Variants in SUN5 observed in about 807,000 individuals in gnomAD.
SUN5 encodes Sad1 and UNC84 domain containing 5.
A neutral mutation model predicts 53.7 loss-of-function variants in SUN5; 44 were observed. The observed-to-expected ratio is 0.82, with a 90% confidence interval of 0.64 to 1.05. The LOEUF (loss-of-function observed/expected upper bound fraction) is 1.05, where lower values mean the gene tolerates loss of function less well. Ranked by LOEUF, SUN5 falls within the 50% of genes least tolerant of loss-of-function variation. The probability of loss-of-function intolerance (pLI) is 0.00; values close to 1 mark genes in which losing one functional copy is unlikely to be tolerated. For missense variants in SUN5, 433 were observed against 483.8 expected (o/e 0.90, Z 0.98); for synonymous variants, 166 against 179.8 (o/e 0.92, Z 0.62).
chr20:32,989,562 G>T, intron 9 of SUN5, 58 bp downstream of exon 9: 1 of 1,495,724 alleles, frequency 6.7e-7, no homozygotes, highest in Non-Finnish European at 9.3e-7. Flanking sequence ...AACCCACCCT[G>T]TGTACAGCTT....
chr20:33,004,397 G>A lies in SUN5; in HGVS notation c.-57C>T, dbSNP rs1194300795. On this transcript the variant is annotated 5_prime_UTR_variant, in exon 1 of 13. Coordinates refer to ENST00000356173, the MANE Select transcript of SUN5 (RefSeq NM_080675.4). ...TGGGAACTCTGGGAGCTGGTGAGGA[G>A]GAAGGGGCTGATGCCTCTGAATGTC... is the stretch of plus-strand genomic sequence containing the variant. The A allele has an allele frequency of 1.3e-6, 2 of 1,506,812 alleles. No individual in the cohort carries two copies. Among genetic ancestry groups the A allele is most frequent in the East Asian group, 2.5e-5 (1 of 39,284 alleles). The allele number at this position is 1,506,812 out of a possible 1,614,324, so 93.3% of individuals were successfully genotyped here.
At chr20:32,986,835 A>T (rs1989555984) in intron 10 of SUN5, among the ~76,000 whole-genome samples, 1 of 151,052 alleles carries the variant, frequency 6.6e-6, no homozygotes, top group Non-Finnish European at 1.5e-5. Flanking sequence ...TGTGTGCACC[A>T]CCCCCCACTC....
intron 7 of SUN5, among the ~76,000 whole-genome samples, chr20:32,996,119 T>C (rs1233145448): frequency 2.0e-5 from 3 of 152,216 alleles, no homozygotes; most frequent in African/African-American, 7.2e-5. Flanking sequence ...ATGGGTGTTA[T>C]GCTTCATCTC....
chr20:33,003,042 G>GC (rs1990095716), intron 1 of SUN5, 123 bp from the exon 2 acceptor site: 3 of 1,118,208 alleles, frequency 2.7e-6, no homozygotes, highest in Non-Finnish European at 3.9e-6. Flanking sequence ...AACACCACCA[G>GC]CCTGTGATTC....
intron 9 of SUN5, among the ~76,000 whole-genome samples, chr20:32,988,667 C>A (rs926513084): frequency 8.6e-5 from 13 of 151,926 alleles, no homozygotes; most frequent in African/African-American, 3.1e-4. Flanking sequence ...TGGCTCACCG[C>A]AACCTCCGTC....
chr20:33,003,595 T>C (rs1990112286), intron 1 of SUN5, among the ~76,000 whole-genome samples: 1 of 152,164 alleles, frequency 6.6e-6, no homozygotes, highest in Admixed American at 6.5e-5. Flanking sequence ...CCCTTATTTC[T>C]TAAGTCAAAG....
intron 8 of SUN5, among the ~76,000 whole-genome samples, chr20:32,993,048 C>T (rs1395521967): frequency 2.0e-5 from 3 of 152,040 alleles, no homozygotes; most frequent in Non-Finnish European, 4.4e-5. Flanking sequence ...TTATATCTAC[C>T]GCCAAGATCA....
At chr20:33,002,516 C>G (rs935887201) in intron 3 of SUN5, 71 bp downstream of exon 3, 8 of 1,529,226 alleles carry the variant, frequency 5.2e-6, no homozygotes, top group Non-Finnish European at 9.1e-7. Flanking sequence ...CCCAGGTCAG[C>G]CTGGGCCGAG....
At chr20:33,003,204 T>G (rs1990101348) in intron 1 of SUN5, among the ~76,000 whole-genome samples, 1 of 152,122 alleles carries the variant, frequency 6.6e-6, no homozygotes, top group Non-Finnish European at 1.5e-5. Flanking sequence ...CCCAATGTGA[T>G]TTTAGGCCAT....
chr20:33,002,915 C>A lies in SUN5; in HGVS notation c.82G>T (p.Ala28Ser). 1.2e-6 allele frequency: 2 copies of A among 1,614,132 alleles called. No homozygotes were observed. Among genetic ancestry groups the A allele is most frequent in the Non-Finnish European group, 8.5e-7 (1 of 1,180,020 alleles). ...VAHNPRPRRI[A>S]QRGRNTSRMA... is the part of the protein sequence containing the mutation. ...CTGCTGGTGTTCCGGCCTCGCTGGGCAATCCTGGGGATGATAAGATTCATA... is the reference window on the plus strand; with the variant it reads ...CTGCTGGTGTTCCGGCCTCGCTGGGAAATCCTGGGGATGATAAGATTCATA... The change falls in exon 2 of 13, where the codon GCC becomes TCC. Residue 28 changes from alanine (A) to serine (S), a missense_variant. Transcript: ENST00000356173.
At chr20:33,002,711 G>C (rs762377860) in intron 2 of SUN5, 50 bp from the exon 3 acceptor site, 65 of 1,609,774 alleles carry the variant, frequency 4.0e-5, no homozygotes, top group Non-Finnish European at 5.4e-5. Context: ...TTGATTTGGT[G>C]CTTGCAGAGA....
chr20:32,987,725 C>T lies in SUN5; in HGVS notation c.664G>A (p.Ala222Thr). The part of the protein sequence containing the change: ...HTSVTYNHEK[A>T]HSYWNWIQLW... Reference sequence around the variant, plus strand: ...TGGATCCAGTTCCAGTAGGAGTGGGCCTTCTCATGGTTATAGGTGACTGAC... The same window carrying T: ...TGGATCCAGTTCCAGTAGGAGTGGGTCTTCTCATGGTTATAGGTGACTGAC... Residue 222 changes from alanine to threonine, a missense_variant, in exon 10 of 13, where the codon GCC becomes ACC. Ala to Thr is a moderately conservative substitution (Grantham distance 58). Transcript: ENST00000356173. 1.2e-6 allele frequency: 2 copies of T among 1,613,468 alleles called. No homozygotes were observed. The highest frequency in any genetic ancestry group is 1.7e-5 in the Admixed American group (1 of 59,958).
Position 32,997,681 on chromosome 20 carries a change from C to T in SUN5, c.347G>A (p.Trp116Ter). 1 of 1,613,916 alleles carries T rather than the reference C, an allele frequency of 6.2e-7. No homozygotes were observed. Among genetic ancestry groups the T allele is most frequent in the Non-Finnish European group, 8.5e-7 (1 of 1,179,952 alleles). Residue 116 changes from tryptophan to a stop codon, truncating the protein, a stop_gained, in exon 6 of 13, where the codon TGG becomes TAG. Coordinates refer to ENST00000356173, the MANE Select transcript of SUN5 (RefSeq NM_080675.4). LOFTEE classifies it high-confidence loss of function. ...CGATGGTAAGTGAATAGAAAACATC[C>T]AGAATCCTGTGAGGCCATGAGAATA... ...GILLLCAFGF[W>*]MFSIHLPSKM...
rs764719912 is a variant in SUN5 at position 33,004,336 on chromosome 20, G to A, written c.5C>T (p.Pro2Leu). The A allele has an allele frequency of 3.8e-6, 6 of 1,563,006 alleles. No homozygotes were observed. The highest frequency in any genetic ancestry group is 4.3e-6 in the Non-Finnish European group (5 of 1,153,442). Residue 2 changes from proline to leucine, a missense_variant, in exon 1 of 13, where the codon CCA (proline) becomes CTA (leucine). By Grantham distance (98) the Pro-to-Leu change is moderately conservative. Coordinates refer to ENST00000356173, the MANE Select transcript of SUN5 (RefSeq NM_080675.4). ...GTCCCCAGGGCTCCTTGAGGACCGT[G>A]GCATCGATTTCCTTCTTTAGGATTG... M[P>L]RSSRSPGDPG...
rs550346434 is a variant in SUN5 at position 33,002,500 on chromosome 20, G to A, written c.211+87C>T. ...ACCCCTGCAGTCCAGGGCAGGCATT[G>A]CCACCCCCAGGTCAGCCTGGGCCGA... On this transcript the variant is annotated intron_variant, in intron 3 of 12. Transcript: ENST00000356173. The A allele has an allele frequency of 4.2e-5, 58 of 1,371,274 alleles. No individual in the cohort carries two copies. In the South Asian group the frequency reaches 5.7e-4, roughly 13 times the overall value. The allele number at this position is 1,371,274 out of a possible 1,614,324, so 84.9% of individuals were successfully genotyped here. A position where few individuals can be genotyped will look rare whatever the true frequency, so the allele number is the denominator to read the frequency against.
At chr20:32,984,130 C>T (rs1367876576) in intron 12 of SUN5, among the ~76,000 whole-genome samples, 181 bp from the exon 13 acceptor site, 1 of 152,192 alleles carries the variant, frequency 6.6e-6, no homozygotes, top group African/African-American at 2.4e-5. Flanking sequence ...ACTGAAGATG[C>T]TGAGGCCAGA....
At chr20:32,987,916 C>T in intron 9 of SUN5, 141 bp from the exon 10 acceptor site, 2 of 615,354 alleles carry the variant, frequency 3.3e-6, no homozygotes, top group Non-Finnish European at 5.8e-6. Flanking sequence ...AATGTGATTA[C>T]AGCCATGTTA....
chr20:32,988,770 G>A (rs1167174796), intron 9 of SUN5, among the ~76,000 whole-genome samples: 1 of 151,318 alleles, frequency 6.6e-6, no homozygotes, highest in Non-Finnish European at 1.5e-5. Flanking sequence ...TGTATTTTTA[G>A]TAGAGATGGG....
At chr20:32,989,195 G>T (rs1333776981) in intron 9 of SUN5, among the ~76,000 whole-genome samples, 2 of 152,208 alleles carry the variant, frequency 1.3e-5, no homozygotes, top group African/African-American at 4.8e-5. Context: ...AAAGTGCTGG[G>T]ATTACAGGCG....
Sources: gnomAD v4.1 joint callset for allele counts (sites outside exome capture counted in the v4.1 genomes callset) on GRCh38, gnomAD v4.1.1 for gene constraint, MANE v1.5 for transcripts, NCBI Gene and HGNC (gene_info 2026-07-23, HGNC 2026-07-21) for gene names.